MAPRE2: variants seen among roughly 807,000 people sequenced by gnomAD.
MAPRE2 encodes microtubule associated protein RP/EB family member 2, also known as microtubule-associated protein RP/EB family member 2.
In MAPRE2, 13 loss-of-function variants were observed where a neutral mutation model predicts 43.2. The ratio of observed to expected loss-of-function variants is 0.30; its 90% CI spans 0.20 to 0.48. The LOEUF is 0.48. Ranked by LOEUF, MAPRE2 falls within the 20% of genes least tolerant of loss-of-function variation. MAPRE2 has a pLI of 0.99. For missense variants in MAPRE2, 161 were observed against 400.2 expected (o/e 0.40, Z 5.10); for synonymous variants, 135 against 148.8 (o/e 0.91, Z 0.68).
intron 5 of MAPRE2, 118 bp downstream of exon 5, chr18:35,127,205 CAAGT>C (rs1183154686): frequency 1.0e-6 from 1 of 988,476 alleles, no homozygotes; most frequent in Non-Finnish European, 1.5e-6. Flanking sequence ...TCCTTGGTTT[CAAGT>C]AAGTGAGAAT....
upstream of MAPRE2, among the ~76,000 whole-genome samples, chr18:35,040,771 T>G (rs920631193): frequency 1.3e-5 from 2 of 151,862 alleles, no homozygotes; most frequent in Admixed American, 1.3e-4. Flanking sequence ...AAACCCTCTT[T>G]GGGGATTCCT....
At chr18:35,095,211 G>A (rs566211818) in intron 2 of MAPRE2, among the ~76,000 whole-genome samples, 2 of 152,124 alleles carry the variant, frequency 1.3e-5, no homozygotes, top group South Asian at 4.1e-4. Flanking sequence ...TGATAAGCAA[G>A]ATATAAAAAT....
intron 1 of MAPRE2, among the ~76,000 whole-genome samples, chr18:35,059,070 C>G (rs888038709): frequency 6.6e-6 from 1 of 152,218 alleles, no homozygotes; most frequent in African/African-American, 2.4e-5. Context: ...CTGTTTTACT[C>G]TTTCATTAGG....
At chr18:35,003,125 G>A (rs773149831) in intron 1 of MAPRE2, among the ~76,000 whole-genome samples, 2 of 152,142 alleles carry the variant, frequency 1.3e-5, no homozygotes, top group African/African-American at 2.4e-5. Flanking sequence ...AAACACAGCA[G>A]GAGCAAGCTT....
In MAPRE2 at chr18:35,005,253, T is replaced by C. The variant is rs561072872; in HGVS notation, c.-69-239T>C. Among the ~76,000 whole-genome samples, 12 of 152,348 alleles carry C rather than the reference T, an allele frequency of 7.9e-5. No homozygotes were observed. The South Asian group carries it at 1.7e-3, about 21-fold the overall frequency. On this transcript the variant is annotated intron_variant, in intron 1 of 7. Transcript: ENST00000413393. ...CATTATACTAAATTTTTATCAACTATTAATCAATATAAGAATTGATCTAAT... is the reference window on the plus strand; with the variant it reads ...CATTATACTAAATTTTTATCAACTACTAATCAATATAAGAATTGATCTAAT...
At chr18:35,077,190 T>C (rs1907398342) in intron 2 of MAPRE2, among the ~76,000 whole-genome samples, 1 of 152,094 alleles carries the variant, frequency 6.6e-6, no homozygotes, top group African/African-American at 2.4e-5. Flanking sequence ...ATAATTGCCT[T>C]TGAGAAGTCT....
chr18:35,099,692 T>G, intron 3 of MAPRE2, among the ~76,000 whole-genome samples: 1 of 152,314 alleles, frequency 6.6e-6, no homozygotes, highest in African/African-American at 2.4e-5. Flanking sequence ...GACAATTCAC[T>G]GAAGTTTGGG....
intron 4 of MAPRE2, among the ~76,000 whole-genome samples, chr18:35,107,787 G>A (rs1867324784): frequency 6.6e-6 from 1 of 152,074 alleles, no homozygotes; most frequent in African/African-American, 2.4e-5. Context: ...ACCAGTGTCA[G>A]AGTAAACAGA....
chr18:35,134,533 G>A (rs1341208916), intron 6 of MAPRE2, among the ~76,000 whole-genome samples: 3 of 152,188 alleles, frequency 2.0e-5, no homozygotes, highest in Admixed American at 6.5e-5. Flanking sequence ...TAACTCAGAG[G>A]CTAAAATCAT....
intron 2 of MAPRE2, among the ~76,000 whole-genome samples, chr18:35,033,239 T>C (rs1453894682): frequency 6.6e-6 from 1 of 152,162 alleles, no homozygotes; most frequent in Admixed American, 6.5e-5. Flanking sequence ...ATCTAGCATA[T>C]AAACAGAACC....
intron 1 of MAPRE2, among the ~76,000 whole-genome samples, chr18:35,054,608 G>A (rs1165574957): frequency 6.6e-6 from 1 of 152,174 alleles, no homozygotes; most frequent in Non-Finnish European, 1.5e-5. Flanking sequence ...AGGATGTGCC[G>A]TGAACGGAAG....
At chr18:35,040,201 T>A (rs1408241886), upstream of MAPRE2, among the ~76,000 whole-genome samples, 1 of 152,068 alleles carries the variant, frequency 6.6e-6, no homozygotes, top group Admixed American at 6.5e-5. Context: ...AGACTCTGCC[T>A]CTAAAAAATA....
chr18:34,998,730 T>C (rs1013493916), intron 1 of MAPRE2, among the ~76,000 whole-genome samples: 7 of 148,186 alleles, frequency 4.7e-5, no homozygotes, highest in African/African-American at 1.8e-4. Flanking sequence ...CTGAAAGTGC[T>C]GGGATTACAG....
chr18:35,105,063 A>G (rs537671404), intron 4 of MAPRE2, among the ~76,000 whole-genome samples: 7 of 152,040 alleles, frequency 4.6e-5, no homozygotes, highest in African/African-American at 7.2e-5. Flanking sequence ...CACTGTTACT[A>G]TGCTACCTTG....
intron 5 of MAPRE2, among the ~76,000 whole-genome samples, chr18:35,129,079 TC>T (rs1910032901): frequency 6.6e-6 from 1 of 152,174 alleles, no homozygotes; most frequent in South Asian, 2.1e-4. Context: ...CCTGTTATAA[TC>T]CTTTCATTAC....
intron 1 of MAPRE2, among the ~76,000 whole-genome samples, chr18:34,996,209 G>A (rs200954341): frequency 3.9e-5 from 6 of 152,124 alleles, no homozygotes; most frequent in East Asian, 3.9e-4. Flanking sequence ...TTACCTCGGC[G>A]GTCCTAAACC....
intron 1 of MAPRE2, among the ~76,000 whole-genome samples, chr18:35,001,897 T>G (rs373358043): frequency 2.6e-5 from 4 of 152,320 alleles, no homozygotes; most frequent in African/African-American, 9.6e-5. Flanking sequence ...GATTGTACAG[T>G]AAGATGTAAT....
At chr18:35,133,904 A>C (rs1009230992) in intron 6 of MAPRE2, among the ~76,000 whole-genome samples, 4 of 152,116 alleles carry the variant, frequency 2.6e-5, no homozygotes, top group Non-Finnish European at 2.9e-5. Context: ...ACCCGACCCC[A>C]CACACACATA....
chr18:34,994,507 G>T (rs2097025480), intron 1 of MAPRE2, among the ~76,000 whole-genome samples: 1 of 152,038 alleles, frequency 6.6e-6, no homozygotes, highest in Non-Finnish European at 1.5e-5. Flanking sequence ...CCTTGGCAGG[G>T]CCAGAAAGGC....
Sources: allele counts gnomAD v4.1 joint callset (sites outside exome capture counted in the v4.1 genomes callset), GRCh38; gene constraint gnomAD v4.1.1; transcripts MANE v1.5; gene names NCBI Gene and HGNC (gene_info 2026-07-23, HGNC 2026-07-21).